Variants in ABCB1 observed in about 807,000 individuals in gnomAD.
The protein encoded by ABCB1 is ATP-dependent translocase ABCB1.
Under a neutral mutation model 142.0 loss-of-function variants are expected in ABCB1, and 69 were observed. That is an observed-to-expected ratio of 0.49 (90% CI 0.40 to 0.59). The LOEUF is 0.59. Ranked by LOEUF, ABCB1 falls within the 20% of genes least tolerant of loss-of-function variation. The pLI is 0.00. For synonymous variants in ABCB1, 532 were observed against 539.2 expected (o/e 0.99, Z 0.18); for missense variants, 1,326 against 1,554.7 (o/e 0.85, Z 2.47).
At chr7:87,663,000 T>C (rs1417144044) in intron 1 of ABCB1, among the ~76,000 whole-genome samples, 1 of 152,066 alleles carries the variant, frequency 6.6e-6, no homozygotes, top group African/African-American at 2.4e-5. Context: ...ATTTTACTTA[T>C]AGCAATTATA....
chr7:87,505,398 G>T (rs577071978), intron 27 of ABCB1, among the ~76,000 whole-genome samples: 1 of 152,266 alleles, frequency 6.6e-6, no homozygotes, highest in South Asian at 2.1e-4. Flanking sequence ...CTCAAATCCA[G>T]CTCACAGTAA....
At chr7:87,697,641 A>G (rs1324286943) in intron 1 of ABCB1, among the ~76,000 whole-genome samples, 6 of 152,218 alleles carry the variant, frequency 3.9e-5, no homozygotes, top group African/African-American at 7.2e-5. Flanking sequence ...AACTGCTTGT[A>G]TGATTACAGT....
At position 87,585,553 on chromosome 7, in the gene ABCB1, G is replaced by A. The variant is rs1201503261; in HGVS notation, c.245C>T (p.Ala82Val). The A allele has an allele frequency of 6.2e-7, 1 of 1,613,838 alleles. No individual in the cohort carries two copies. The highest frequency in any genetic ancestry group is 1.1e-5 in the South Asian group (1 of 91,074). Reference protein sequence around the residue: ...FGEMTDIFANAGNLEDLMSNI... With the variant: ...FGEMTDIFANVGNLEDLMSNI... The stretch of plus-strand genomic sequence containing the variant: ...TGACATCAGATCTTCTAAATTTCCT[G>A]CATTTGCAAAGATATCTGTCATTTC... The change falls in exon 4 of 28, where the codon GCA becomes GTA. Residue 82 changes from alanine to valine, a missense_variant. Physicochemically the swap from Ala to Val is moderately conservative, Grantham distance 64 (BLOSUM62 0). Coordinates refer to ENST00000622132, the MANE Select transcript of ABCB1 (RefSeq NM_001348946.2).
chr7:87,561,621 C>A (rs1319124852), intron 7 of ABCB1, among the ~76,000 whole-genome samples: 2 of 152,126 alleles, frequency 1.3e-5, no homozygotes, highest in Admixed American at 6.6e-5. Context: ...AAAGCTGGAT[C>A]AATTGCAATG....
chr7:87,595,964 AC>A (rs1819190901), intron 2 of ABCB1, 150 bp from the exon 3 acceptor site: 4 of 651,252 alleles, frequency 6.1e-6, no homozygotes, highest in Non-Finnish European at 8.0e-6. Context: ...TAATAGTATG[AC>A]CCCATTTATA....
At chr7:87,685,390 C>T (rs1247576970) in intron 1 of ABCB1, among the ~76,000 whole-genome samples, 2 of 152,114 alleles carry the variant, frequency 1.3e-5, no homozygotes, top group African/African-American at 4.8e-5. Flanking sequence ...TATTAGGTAG[C>T]ACTACACACC....
chr7:87,519,557 C>A, intron 22 of ABCB1, 91 bp from the exon 23 acceptor site: 2 of 1,486,648 alleles, frequency 1.3e-6, no homozygotes, highest in South Asian at 1.1e-5. Flanking sequence ...GGCACAGAGG[C>A]ATGACCAACA....
At chr7:87,573,780 T>C in intron 4 of ABCB1, among the ~76,000 whole-genome samples, 1 of 152,286 alleles carries the variant, frequency 6.6e-6, no homozygotes, top group African/African-American at 2.4e-5. Context: ...CCCCCACACC[T>C]ATCTCCTCAT....
intron 1 of ABCB1, among the ~76,000 whole-genome samples, chr7:87,692,693 CAG>C (rs1185376948): frequency 1.3e-5 from 2 of 152,000 alleles, no homozygotes; most frequent in African/African-American, 2.4e-5. Flanking sequence ...TGTTTTAGGA[CAG>C]AGATAGTAAA....
chr7:87,544,168 C>A lies in ABCB1; in HGVS notation c.2172G>T (p.Leu724=). 6.2e-7 allele frequency: 1 copy of A among 1,613,934 alleles called. No homozygotes were observed. Among genetic ancestry groups the A allele is most frequent in the East Asian group, 2.2e-5 (1 of 44,816 alleles). The part of the protein sequence containing the change: ...GVFCAIINGG[L]QPAFAIIFSK... ...AAAATATTATTGCAAATGCTGGTTG[C>A]AGGCCTCCATTTATAATGGCACAAA... The change falls in exon 17 of 28, where the codon CTG becomes CTT. Residue 724 remains leucine, a synonymous_variant. Coordinates refer to ENST00000622132, the MANE Select transcript of ABCB1 (RefSeq NM_001348946.2).
At chr7:87,521,418 C>T (rs1815501849) in intron 21 of ABCB1, 2 of 660,126 alleles carry the variant, frequency 3.0e-6, no homozygotes, top group Non-Finnish European at 5.5e-6. Context: ...CCCGTGGACG[C>T]CACCAAGGAA....
At chr7:87,522,526 C>T in intron 21 of ABCB1, 1 of 484,690 alleles carries the variant, frequency 2.1e-6, no homozygotes, top group Non-Finnish European at 4.0e-6. Flanking sequence ...GTGGCAGGGC[C>T]TAAGTGCTAC....
chr7:87,568,112 A>AT (rs1817858923), intron 5 of ABCB1, among the ~76,000 whole-genome samples: 1 of 150,568 alleles, frequency 6.6e-6, no homozygotes, highest in Non-Finnish European at 1.5e-5. Flanking sequence ...CAAAAAAAAA[A>AT]AAAGAAAAGC....
intron 1 of ABCB1, among the ~76,000 whole-genome samples, chr7:87,619,687 A>G (rs1445130297): frequency 9.9e-5 from 15 of 152,136 alleles, no homozygotes; most frequent in Admixed American, 9.8e-4. Context: ...ATTTTTGAAC[A>G]CTAAGCAGAA....
At chr7:87,707,764 T>C (rs1418312791) in intron 1 of ABCB1, among the ~76,000 whole-genome samples, 1 of 152,130 alleles carries the variant, frequency 6.6e-6, no homozygotes, top group South Asian at 2.1e-4. Context: ...TTATATTAAA[T>C]TGACCATTTT....
At chr7:87,535,617 A>G (rs933383125) in intron 20 of ABCB1, among the ~76,000 whole-genome samples, 6 of 152,230 alleles carry the variant, frequency 3.9e-5, no homozygotes, top group African/African-American at 9.6e-5. Flanking sequence ...TATTCCAAAC[A>G]ATAGAAAAAG....
intron 20 of ABCB1, among the ~76,000 whole-genome samples, chr7:87,532,372 A>G (rs928635398): frequency 6.6e-6 from 1 of 152,188 alleles, no homozygotes; most frequent in Non-Finnish European, 1.5e-5. Flanking sequence ...AGGATGCGAC[A>G]GGAGGTCAGC....
chr7:87,652,710 G>A (rs1215367620), intron 1 of ABCB1, among the ~76,000 whole-genome samples: 1 of 149,648 alleles, frequency 6.7e-6, no homozygotes, highest in Non-Finnish European at 1.5e-5. Context: ...AAGCATCTGG[G>A]ACTTTCATAT....
At chr7:87,686,776 GAAA>G (rs555870738) in intron 1 of ABCB1, among the ~76,000 whole-genome samples, 1 of 106,966 alleles carries the variant, frequency 9.3e-6, no homozygotes. Flanking sequence ...CCCGCCTCTA[GAAA>G]AAAAAAAAAA....
Sources: allele counts gnomAD v4.1 joint callset (sites outside exome capture counted in the v4.1 genomes callset), GRCh38; gene constraint gnomAD v4.1.1; transcripts MANE v1.5; gene names NCBI Gene and HGNC (gene_info 2026-07-23, HGNC 2026-07-21).